The following SCN8A variants were observed in gnomAD, a reference collection of about 807,000 sequenced individuals.
SCN8A encodes sodium voltage-gated channel alpha subunit 8.
SCN8A carries 30 observed loss-of-function variants against 184.1 expected under a neutral mutation model. The ratio of observed to expected loss-of-function variants is 0.16; its 90% CI spans 0.12 to 0.22. The LOEUF (loss-of-function observed/expected upper bound fraction) is 0.22, where lower values mean the gene tolerates loss of function less well. SCN8A is among the 10% of genes least tolerant of loss of function. The probability of loss-of-function intolerance (pLI) is 1.00; values close to 1 mark genes in which losing one functional copy is unlikely to be tolerated. For missense variants in SCN8A, 1,057 were observed against 2,498.9 expected (o/e 0.42, Z 12.30); for synonymous variants, 852 against 907.0 (o/e 0.94, Z 1.09).
intron 20 of SCN8A, 125 bp from the exon 21 acceptor site, chr12:51,780,524 T>G (rs1937865776): frequency 1.5e-6 from 1 of 670,032 alleles, no homozygotes. Flanking sequence ...TCTGCAGTGC[T>G]AGGGGCTTTA....
Position 51,721,573 on chromosome 12 carries a change from T to G in SCN8A, c.1663T>G (p.Phe555Val). 5.0e-6 allele frequency: 8 copies of G among 1,605,302 alleles called. No homozygotes were observed. Among genetic ancestry groups the G allele is most frequent in the Non-Finnish European group, 6.8e-6 (8 of 1,175,870 alleles). The change falls in exon 12 of 27, where the codon TTC becomes GTC. Residue 555 changes from phenylalanine (F) to valine (V), a missense_variant. Physicochemically the swap from Phe to Val is conservative, Grantham distance 50. Coordinates refer to ENST00000627620, the MANE Select transcript of SCN8A (RefSeq NM_001330260.2). The part of the protein sequence containing the change: ...QSLLSIPGSP[F>V]LSRHNSKSSI... Reference sequence around the variant, plus strand: ...ACTGCTCAGCATCCCAGGCTCGCCCTTCCTCTCCCGCCACAACAGCAAGAG... The same window carrying G: ...ACTGCTCAGCATCCCAGGCTCGCCCGTCCTCTCCCGCCACAACAGCAAGAG...
chr12:51,799,034 A>G (rs1270436838), intron 26 of SCN8A, among the ~76,000 whole-genome samples: 1 of 152,200 alleles, frequency 6.6e-6, no homozygotes, highest in Admixed American at 6.5e-5. Context: ...TGTCCTAGAA[A>G]GGGGCTATAG....
chr12:51,710,901 A>T (rs1369615619), intron 11 of SCN8A, among the ~76,000 whole-genome samples: 1 of 152,148 alleles, frequency 6.6e-6, no homozygotes, highest in Non-Finnish European at 1.5e-5. Context: ...CTCTGTGTGC[A>T]TATTTATTTA....
In SCN8A at chr12:51,808,648, G is replaced by A. The variant is rs557883538; in HGVS notation, c.*1219G>A. The A allele has an allele frequency of 1.3e-5, 2 of 152,270 alleles. No individual in the cohort carries two copies. The highest frequency in any genetic ancestry group is 3.9e-4 in the East Asian group (2 of 5,184). The allele number at this position is 152,270 out of a possible 1,614,324, so 9.4% of individuals were successfully genotyped here. A position where few individuals can be genotyped will look rare whatever the true frequency, so the allele number is the denominator to read the frequency against. On this transcript the variant is annotated 3_prime_UTR_variant, in exon 27 of 27. Coordinates refer to ENST00000627620, the MANE Select transcript of SCN8A (RefSeq NM_001330260.2). ...ACCAGTTATCTCTAGGGGTAATTTG[G>A]GGAACTTAAAATGACCTTTCATTGG...
chr12:51,752,081 T>C (rs1174915796), intron 14 of SCN8A, among the ~76,000 whole-genome samples: 1 of 152,170 alleles, frequency 6.6e-6, no homozygotes, highest in Admixed American at 6.5e-5. Context: ...TGGGAAAGTT[T>C]TCACTCAAGG....
At chr12:51,659,450 T>A (rs1044089321) in intron 1 of SCN8A, among the ~76,000 whole-genome samples, 1 of 152,224 alleles carries the variant, frequency 6.6e-6, no homozygotes, top group African/African-American at 2.4e-5. Flanking sequence ...TATTGCTTTA[T>A]TGTATTATAC....
intron 12 of SCN8A, among the ~76,000 whole-genome samples, chr12:51,744,996 G>A (rs1942487294): frequency 6.6e-6 from 1 of 152,132 alleles, no homozygotes; most frequent in Admixed American, 6.5e-5. Context: ...GTCTACATGG[G>A]TGATATGGTA....
At chr12:51,762,757 G>C in intron 15 of SCN8A, 81 bp downstream of exon 15, 1 of 1,272,174 alleles carries the variant, frequency 7.9e-7, no homozygotes. Context: ...TTAATTTGAT[G>C]ATTTAAAAAA....
Position 51,702,751 on chromosome 12 carries a change from G to A in SCN8A, c.993-22G>A, listed in dbSNP as rs779017803. On this transcript the variant is annotated intron_variant, in intron 8 of 26. Coordinates refer to ENST00000627620, the MANE Select transcript of SCN8A (RefSeq NM_001330260.2). ...GGGTGGAATTATGTTGAAAAGTCCTGAACTTCCCTTTCTTTCTTTAGGCAA... is the reference window on the plus strand; with the variant it reads ...GGGTGGAATTATGTTGAAAAGTCCTAAACTTCCCTTTCTTTCTTTAGGCAA... 49 of 1,559,096 alleles carry A rather than the reference G, an allele frequency of 3.1e-5. 1 individual carries two copies. Among genetic ancestry groups the A allele is most frequent in the Non-Finnish European group, 4.2e-5 (48 of 1,151,248 alleles).
chr12:51,591,733 C>T (rs150216272), intron 1 of SCN8A, among the ~76,000 whole-genome samples: 1 of 152,132 alleles, frequency 6.6e-6, no homozygotes, highest in Non-Finnish European at 1.5e-5. Context: ...GGCCCCTAGC[C>T]GGCTTGCACT....
At chr12:51,611,897 T>G (rs1354515502) in intron 1 of SCN8A, among the ~76,000 whole-genome samples, 1 of 152,248 alleles carries the variant, frequency 6.6e-6, no homozygotes, top group Admixed American at 6.5e-5. Flanking sequence ...ACAACCTTGT[T>G]AAAGTCACTT....
chr12:51,606,102 C>T (rs1326869271), intron 1 of SCN8A, among the ~76,000 whole-genome samples: 1 of 152,106 alleles, frequency 6.6e-6, no homozygotes, highest in Non-Finnish European at 1.5e-5. Context: ...TAATTAAGCC[C>T]CAACTATTAT....
At chr12:51,605,693 T>C (rs1304297110) in intron 1 of SCN8A, among the ~76,000 whole-genome samples, 1 of 152,224 alleles carries the variant, frequency 6.6e-6, no homozygotes, top group East Asian at 1.9e-4. Context: ...GCAGCTGTAC[T>C]AGTTTACGTT....
At chr12:51,675,706 G>A (rs528466588) in intron 2 of SCN8A, among the ~76,000 whole-genome samples, 23 of 152,316 alleles carry the variant, frequency 1.5e-4, no homozygotes, top group Non-Finnish European at 2.5e-4. Flanking sequence ...TTGAGTAATA[G>A]TTTTGAAGCT....
chr12:51,777,411 C>G (rs1348289691), intron 20 of SCN8A, among the ~76,000 whole-genome samples: 1 of 152,160 alleles, frequency 6.6e-6, no homozygotes, highest in East Asian at 1.9e-4. Context: ...AGACACGTGC[C>G]AAGGCGCCCA....
At chr12:51,754,843 A>G (rs1178571782) in intron 14 of SCN8A, among the ~76,000 whole-genome samples, 1 of 152,180 alleles carries the variant, frequency 6.6e-6, no homozygotes, top group African/African-American at 2.4e-5. Flanking sequence ...AAGTGAGACT[A>G]TCTTCTTCAC....
At chr12:51,609,775 T>G (rs1939676579) in intron 1 of SCN8A, among the ~76,000 whole-genome samples, 1 of 120,168 alleles carries the variant, frequency 8.3e-6, no homozygotes, top group Non-Finnish European at 1.6e-5. Flanking sequence ...TGAGAACACA[T>G]GGACACAGGA....
At chr12:51,702,599 T>C (rs750373766) in intron 8 of SCN8A, among the ~76,000 whole-genome samples, 174 bp from the exon 9 acceptor site, 3 of 152,166 alleles carry the variant, frequency 2.0e-5, no homozygotes, top group Non-Finnish European at 2.9e-5. Context: ...CAGAAGTTGG[T>C]TAGCTGCTTA....
intron 2 of SCN8A, among the ~76,000 whole-genome samples, chr12:51,668,726 G>A (rs1941079920): frequency 6.6e-6 from 1 of 152,102 alleles, no homozygotes; most frequent in South Asian, 2.1e-4. Context: ...TATCAATACC[G>A]CCAGTTATTC....
Sources: gnomAD v4.1 joint callset for allele counts (sites outside exome capture counted in the v4.1 genomes callset) on GRCh38, gnomAD v4.1.1 for gene constraint, MANE v1.5 for transcripts, NCBI Gene and HGNC (gene_info 2026-07-23, HGNC 2026-07-21) for gene names.